ZBTB25: variants seen among roughly 807,000 people sequenced by gnomAD.
ZBTB25 encodes zinc finger and BTB domain-containing protein 25.
A neutral mutation model predicts 34.2 loss-of-function variants in ZBTB25; 20 were observed. The ratio of observed to expected loss-of-function variants is 0.58; its 90% CI spans 0.41 to 0.85. The LOEUF is 0.85. Ranked by LOEUF, ZBTB25 falls within the 40% of genes least tolerant of loss-of-function variation. ZBTB25 has a pLI of 0.00. For synonymous variants in ZBTB25, 175 were observed against 186.4 expected, an observed-to-expected ratio of 0.94 and a Z score of 0.50; for missense variants, 437 against 521.8, an observed-to-expected ratio of 0.84 and a Z score of 1.58.
chr14:64,504,780 A>G, upstream of ZBTB25: 1 of 380,098 alleles, frequency 2.6e-6, no homozygotes. Context: ...GTTGCAGCAC[A>G]GTCCCTGGCA....
chr14:64,484,397 G>A lies in ZBTB25; in HGVS notation c.*2526C>T, dbSNP rs1372743875. Reference sequence around the variant, plus strand: ...GATTTCCTGTGTCAAAGAATAATGAGTGGGCCTGGCACGGTGGCTCACACC... The same window carrying A: ...GATTTCCTGTGTCAAAGAATAATGAATGGGCCTGGCACGGTGGCTCACACC... On this transcript the variant is annotated 3_prime_UTR_variant, in exon 3 of 3. Coordinates refer to ENST00000608382, the MANE Select transcript of ZBTB25 (RefSeq NM_006977.5). 1 of 152,296 alleles carries A rather than the reference G, an allele frequency of 6.6e-6. No homozygotes were observed. Among genetic ancestry groups the A allele is most frequent in the Non-Finnish European group, 1.5e-5 (1 of 68,176 alleles). 9.4% of individuals were successfully genotyped at this position (152,296 alleles called of 1,614,324 possible). A position where few individuals can be genotyped will look rare whatever the true frequency, so the allele number is the denominator to read the frequency against.
intron 1 of ZBTB25, among the ~76,000 whole-genome samples, chr14:64,500,381 A>G (rs1313843417): frequency 2.0e-5 from 3 of 151,408 alleles, no homozygotes; most frequent in Non-Finnish European, 2.9e-5. Flanking sequence ...ACTGATTTGT[A>G]ACCAGAGAAG....
intron 1 of ZBTB25, among the ~76,000 whole-genome samples, chr14:64,494,171 T>A (rs2079185319): frequency 6.6e-6 from 1 of 152,124 alleles, no homozygotes; most frequent in South Asian, 2.1e-4. Context: ...GGAAAGGCAA[T>A]GACCTTGCAG....
At chr14:64,502,512 A>T in intron 1 of ZBTB25, 1 of 380,660 alleles carries the variant, frequency 2.6e-6, no homozygotes, top group Non-Finnish European at 3.6e-6. Flanking sequence ...TGAAACTTTC[A>T]GGGGTGGCTG....
At chr14:64,491,646 G>C (rs992274026) in intron 1 of ZBTB25, among the ~76,000 whole-genome samples, 6 of 152,212 alleles carry the variant, frequency 3.9e-5, no homozygotes, top group Non-Finnish European at 8.8e-5. Context: ...ACATTCAGAA[G>C]TGCCCTGGTT....
chr14:64,485,646 G>T lies in ZBTB25; in HGVS notation c.*1277C>A, dbSNP rs1218500538. ...ATAGAACACTGAATGTATCCACTTT[G>T]CTGGTTTTATGGATCAGGAAAAAAG... On this transcript the variant is annotated 3_prime_UTR_variant, in exon 3 of 3. Coordinates refer to ENST00000608382, the MANE Select transcript of ZBTB25 (RefSeq NM_006977.5). 1 of 985,332 alleles carries T rather than the reference G, an allele frequency of 1.0e-6. No homozygotes were observed. The highest frequency in any genetic ancestry group is 1.7e-5 in the African/African-American group (1 of 57,342). 61.0% of individuals were successfully genotyped at this position (985,332 alleles called of 1,614,324 possible).
intron 2 of ZBTB25, among the ~76,000 whole-genome samples, chr14:64,465,274 C>G (rs1477898418): frequency 6.6e-6 from 1 of 151,988 alleles, no homozygotes; most frequent in East Asian, 1.9e-4. Context: ...CCCGCCTCGG[C>G]GCTGATGTGG....
intron 1 of ZBTB25, among the ~76,000 whole-genome samples, chr14:64,502,347 A>C (rs1194315844): frequency 6.6e-6 from 1 of 152,232 alleles, no homozygotes; most frequent in Non-Finnish European, 1.5e-5. Flanking sequence ...GTTCCATGTC[A>C]TATCCCATCA....
At chr14:64,468,339 A>C in intron 2 of ZBTB25, 1 of 1,476,692 alleles carries the variant, frequency 6.8e-7, no homozygotes, top group Non-Finnish European at 9.0e-7. Flanking sequence ...TTGTCACAAA[A>C]GGCTGCTAAG....
Position 64,485,936 on chromosome 14 carries a change from T to C in ZBTB25, c.*987A>G. ...TCAGTCTCTGTCTCTGCATGCTTAT[T>C]TATCTATGTGTGTATATCTTACTGT... On this transcript the variant is annotated 3_prime_UTR_variant, in exon 3 of 3. Transcript: ENST00000608382. 1.0e-6 allele frequency: 1 copy of C among 985,378 alleles called. No individual in the cohort carries two copies. The highest frequency in any genetic ancestry group is 1.7e-5 in the African/African-American group (1 of 57,372). The allele number at this position is 985,378 out of a possible 1,614,324, so 61.0% of individuals were successfully genotyped here. A position where few individuals can be genotyped will look rare whatever the true frequency, so the allele number is the denominator to read the frequency against.
intron 1 of ZBTB25, chr14:64,503,239 G>A (rs1596673305): frequency 7.1e-6 from 7 of 985,462 alleles, no homozygotes; most frequent in Non-Finnish European, 8.4e-6. Flanking sequence ...GCTGGGAGTG[G>A]AAACAGTAGC....
At chr14:64,467,033 A>G (rs2078619248) in intron 2 of ZBTB25, 1 of 152,234 alleles carries the variant, frequency 6.6e-6, no homozygotes, top group Admixed American at 6.5e-5. Context: ...AATGACAAGA[A>G]CTCAGTCTAC....
At chr14:64,449,536 G>A (rs757007334) in exon 3 of ZBTB25, 1 of 1,614,182 alleles carries the variant, frequency 6.2e-7, no homozygotes, top group Non-Finnish European at 8.5e-7. Flanking sequence ...CTGGGCAGAA[G>A]GGGGCAAGGG....
chr14:64,476,060 A>C (rs760670208), downstream of ZBTB25, among the ~76,000 whole-genome samples: 4 of 152,182 alleles, frequency 2.6e-5, no homozygotes, highest in Non-Finnish European at 5.9e-5. Context: ...ACCAAAGCAG[A>C]TGCAGTCATT....
chr14:64,496,809 C>T (rs745680279), intron 1 of ZBTB25, among the ~76,000 whole-genome samples: 6 of 152,104 alleles, frequency 3.9e-5, no homozygotes, highest in Non-Finnish European at 8.8e-5. Flanking sequence ...TAAGGGAGAT[C>T]CTTATTGACC....
chr14:64,458,018 G>A (rs2078502881), intron 2 of ZBTB25: 2 of 617,450 alleles, frequency 3.2e-6, no homozygotes, highest in Non-Finnish European at 5.8e-6. Flanking sequence ...AGCATCCCAA[G>A]TAGCTGGAAC....
chr14:64,449,993 T>C (rs1376242006), intron 2 of ZBTB25, among the ~76,000 whole-genome samples: 2 of 152,200 alleles, frequency 1.3e-5, no homozygotes, highest in Non-Finnish European at 2.9e-5. Context: ...GGTTTCACCA[T>C]CTTGGCCAGG....
intron 2 of ZBTB25, chr14:64,459,616 G>T: frequency 1.5e-6 from 1 of 669,780 alleles, no homozygotes; most frequent in South Asian, 2.0e-5. Flanking sequence ...TTATGGACAC[G>T]CCCTAGAAGA....
rs867797895 is a variant in ZBTB25, at chr14:64,484,877, A to G, written c.*2046T>C. 16 of 331,824 alleles carry G rather than the reference A, an allele frequency of 4.8e-5. No homozygotes were observed. The highest frequency in any genetic ancestry group is 6.0e-5 in the Non-Finnish European group (14 of 232,682). The allele number at this position is 331,824 out of a possible 1,614,324, so 20.6% of individuals were successfully genotyped here. On this transcript the variant is annotated 3_prime_UTR_variant, in exon 3 of 3. Coordinates refer to ENST00000608382, the MANE Select transcript of ZBTB25 (RefSeq NM_006977.5). ...CCAATGAGATGATATTTTTGAGGGCAGTACAAATTTCAATAGTTGCTTAAG... is the reference window on the plus strand; with the variant it reads ...CCAATGAGATGATATTTTTGAGGGCGGTACAAATTTCAATAGTTGCTTAAG...
Sources: gnomAD v4.1 joint callset for allele counts (sites outside exome capture counted in the v4.1 genomes callset) on GRCh38, gnomAD v4.1.1 for gene constraint, MANE v1.5 for transcripts, NCBI Gene and HGNC (gene_info 2026-07-23, HGNC 2026-07-21) for gene names.